ST6GALNAC3: variants seen among roughly 807,000 people sequenced by gnomAD.
ST6GALNAC3 encodes the protein ST6 N-acetylgalactosaminide alpha-2,6-sialyltransferase 3, also known as alpha-N-acetylgalactosaminide alpha-2,6-sialyltransferase 3.
ST6GALNAC3 carries 25 observed loss-of-function variants against 32.7 expected under a neutral mutation model. The observed-to-expected ratio is 0.76, with a 90% CI of 0.56 to 1.07. The LOEUF (loss-of-function observed/expected upper bound fraction) is 1.07. Ranked by LOEUF, ST6GALNAC3 falls within the 50% of genes least tolerant of loss-of-function variation. The pLI is 0.00. For synonymous variants in ST6GALNAC3, 129 were observed against 133.1 expected (o/e 0.97, Z 0.21); for missense variants, 355 against 382.4 (o/e 0.93, Z 0.60).
At chr1:76,454,146 C>A (rs1211690490) in intron 3 of ST6GALNAC3, among the ~76,000 whole-genome samples, 1 of 152,048 alleles carries the variant, frequency 6.6e-6, no homozygotes, top group Non-Finnish European at 1.5e-5. Context: ...TTTTTCCACC[C>A]CTTTACCTTA....
At chr1:76,497,650 A>G (rs1660936464) in intron 3 of ST6GALNAC3, among the ~76,000 whole-genome samples, 1 of 152,098 alleles carries the variant, frequency 6.6e-6, no homozygotes, top group South Asian at 2.1e-4. Flanking sequence ...AGCCTGACAT[A>G]TATTGTTTCT....
chr1:76,391,667 T>C (rs2101157179), intron 2 of ST6GALNAC3, among the ~76,000 whole-genome samples: 1 of 151,750 alleles, frequency 6.6e-6, no homozygotes, highest in East Asian at 2.0e-4. Context: ...CTCACTTTCA[T>C]CCAACTATCC....
At chr1:76,202,768 A>G (rs1226304553) in intron 1 of ST6GALNAC3, among the ~76,000 whole-genome samples, 1 of 152,194 alleles carries the variant, frequency 6.6e-6, no homozygotes, top group Non-Finnish European at 1.5e-5. Flanking sequence ...TCATCTGTAT[A>G]TAGCCTCAGA....
At chr1:76,268,369 T>C (rs1658652396) in intron 1 of ST6GALNAC3, among the ~76,000 whole-genome samples, 1 of 152,122 alleles carries the variant, frequency 6.6e-6, no homozygotes, top group Admixed American at 6.5e-5. Context: ...TTGATGCAGA[T>C]TTAAGAGAGA....
chr1:76,551,963 T>G (rs1474285920), intron 3 of ST6GALNAC3, among the ~76,000 whole-genome samples: 4 of 152,178 alleles, frequency 2.6e-5, no homozygotes, highest in Non-Finnish European at 5.9e-5. Context: ...TGGTTCATGC[T>G]TTGGCCCTGG....
At chr1:76,245,075 G>A (rs1025621520) in intron 1 of ST6GALNAC3, among the ~76,000 whole-genome samples, 2 of 152,038 alleles carry the variant, frequency 1.3e-5, no homozygotes, top group African/African-American at 4.8e-5. Flanking sequence ...GGCTTTTTTG[G>A]TTGGTAGGCT....
At chr1:76,547,436 AGGCT>A (rs1664362437) in intron 3 of ST6GALNAC3, among the ~76,000 whole-genome samples, 1 of 152,244 alleles carries the variant, frequency 6.6e-6, no homozygotes, top group Admixed American at 6.5e-5. Context: ...ACGGTTGACT[AGGCT>A]CTGGTTAAAT....
chr1:76,376,906 A>G (rs973420547), intron 2 of ST6GALNAC3, among the ~76,000 whole-genome samples: 1 of 152,070 alleles, frequency 6.6e-6, no homozygotes, highest in Non-Finnish European at 1.5e-5. Flanking sequence ...ATCATTTTGA[A>G]TAGTTCTCTT....
At chr1:76,553,946 T>C (rs557444231) in intron 3 of ST6GALNAC3, among the ~76,000 whole-genome samples, 2 of 152,340 alleles carry the variant, frequency 1.3e-5, no homozygotes, top group African/African-American at 2.4e-5. Context: ...AAAAGCAGTA[T>C]ATACACATAG....
At chr1:76,317,827 G>A (rs1328981895) in intron 2 of ST6GALNAC3, among the ~76,000 whole-genome samples, 2 of 152,068 alleles carry the variant, frequency 1.3e-5, no homozygotes, top group East Asian at 1.9e-4. Context: ...AAAGAAAAGT[G>A]GAATGGGAGG....
intron 1 of ST6GALNAC3, among the ~76,000 whole-genome samples, chr1:76,305,288 A>G (rs1660979629): frequency 6.6e-6 from 1 of 152,096 alleles, no homozygotes; most frequent in Non-Finnish European, 1.5e-5. Context: ...TTCAAAGAAG[A>G]TCACTTTGGG....
rs142262137 is a variant in ST6GALNAC3, at chr1:76,628,690, C to A, written c.802C>A (p.Leu268Ile). 731 of 1,611,976 alleles carry A rather than the reference C, an allele frequency of 4.5e-4. No individual in the cohort carries two copies. Among genetic ancestry groups the A allele is most frequent in the Non-Finnish European group, 6.0e-4 (707 of 1,178,978 alleles). The change falls in exon 5 of 5, where the codon CTT becomes ATT. Residue 268 changes from leucine to isoleucine, a missense_variant. Coordinates refer to ENST00000328299, the MANE Select transcript of ST6GALNAC3 (RefSeq NM_152996.4). ...AAGAGATGAGTGTGATGAATATTTT[C>A]TTCATGAACATGCCCCATATGGGGG... ...QGRDECDEYF[L>I]HEHAPYGGHR...
chr1:76,270,190 G>T (rs1319230743), intron 1 of ST6GALNAC3, among the ~76,000 whole-genome samples: 2 of 152,076 alleles, frequency 1.3e-5, no homozygotes, highest in South Asian at 2.1e-4. Context: ...ATCTCATTGG[G>T]TATATTTACT....
intron 3 of ST6GALNAC3, among the ~76,000 whole-genome samples, chr1:76,586,770 G>A (rs756934239): frequency 4.1e-4 from 63 of 152,178 alleles, no homozygotes; most frequent in African/African-American, 1.4e-3. Context: ...GCTATTTACC[G>A]TCTTTGTCAA....
intron 1 of ST6GALNAC3, among the ~76,000 whole-genome samples, chr1:76,080,630 A>AT (rs1309007737): frequency 1.5e-5 from 2 of 136,090 alleles, no homozygotes; most frequent in Non-Finnish European, 3.1e-5. Context: ...AAACAGATAA[A>AT]CCAAAAAAAA....
intron 2 of ST6GALNAC3, among the ~76,000 whole-genome samples, chr1:76,364,649 C>A (rs555986619): frequency 2.1e-4 from 32 of 151,602 alleles, no homozygotes; most frequent in African/African-American, 7.5e-4. Context: ...GAAAAAAAAA[C>A]CTCATTAAAA....
At position 76,350,041 on chromosome 1, in the gene ST6GALNAC3, C is replaced by T. The variant is rs560153864; in HGVS notation, c.213+36042C>T. ...GTATACAAGATTTATTTTATAATGT[C>T]GCTTAGAAAAATTTGAAAATTGACT... On this transcript the variant is annotated intron_variant, in intron 2 of 4. Transcript: ENST00000328299. Among the ~76,000 whole-genome samples the T allele has an allele frequency of 4.6e-5, 7 of 151,864 alleles. No homozygotes were observed. The South Asian group carries it at 6.2e-4, about 14-fold the overall frequency.
At chr1:76,624,461 G>A (rs188315099) in intron 3 of ST6GALNAC3, among the ~76,000 whole-genome samples, 38 of 151,998 alleles carry the variant, frequency 2.5e-4, no homozygotes, top group African/African-American at 8.0e-4. Flanking sequence ...CTTCAGAAAC[G>A]ACTGTGTGGG....
chr1:76,133,158 G>A (rs1649723579), intron 1 of ST6GALNAC3, among the ~76,000 whole-genome samples: 2 of 152,086 alleles, frequency 1.3e-5, no homozygotes, highest in African/African-American at 4.8e-5. Context: ...CATCCATCAG[G>A]CACACCAACC....
Sources: gnomAD v4.1 joint callset for allele counts (sites outside exome capture counted in the v4.1 genomes callset) on GRCh38, gnomAD v4.1.1 for gene constraint, MANE v1.5 for transcripts, NCBI Gene and HGNC (gene_info 2026-07-23, HGNC 2026-07-21) for gene names.